The following MS4A10 variants were observed in gnomAD, a reference collection of about 807,000 sequenced individuals.
The protein encoded by MS4A10 is membrane-spanning 4-domains subfamily A member 10.
In MS4A10, 27 loss-of-function variants were observed where a neutral mutation model predicts 27.7. The observed-to-expected ratio is 0.98, with a 90% CI of 0.72 to 1.35. MS4A10 has a LOEUF of 1.35. Among genes scored for constraint, MS4A10 ranks in the 40% most tolerant of loss-of-function variants. The pLI is 0.00. For synonymous variants in MS4A10, 139 were observed against 131.2 expected (o/e 1.06, Z -0.41); for missense variants, 338 against 324.7 (o/e 1.04, Z -0.32).
Position 60,790,368 on chromosome 11 carries a change from T to A in MS4A10, c.33T>A (p.Arg11=), listed in dbSNP as rs769980284. ...CAGAAGCCACAGTTATTCCCAGCCG[T>A]TGTGCTAGGGGGCTCCCATCATGGC... The part of the protein sequence containing the change: MKAEATVIPS[R]CARGLPSWQV... The change falls in exon 2 of 8, where the codon CGT becomes CGA. Residue 11 remains arginine (R), a synonymous_variant. Coordinates refer to ENST00000308287, the MANE Select transcript of MS4A10 (RefSeq NM_206893.4). The A allele has an allele frequency of 5.6e-6, 9 of 1,613,950 alleles. No individual in the cohort carries two copies. The highest frequency in any genetic ancestry group is 7.6e-6 in the Non-Finnish European group (9 of 1,179,994).
intron 2 of MS4A10, 123 bp downstream of exon 2, chr11:60,790,641 C>T: frequency 9.1e-7 from 1 of 1,100,036 alleles, no homozygotes; most frequent in Non-Finnish European, 1.3e-6. Context: ...TCCTGCTGAA[C>T]ATTCATCTGA....
Position 60,800,271 on chromosome 11 carries a change from C to A in MS4A10, c.*362C>A. On this transcript the variant is annotated 3_prime_UTR_variant, in exon 8 of 8. Transcript: ENST00000308287. ...GTTCAAGTGATTCTCCTATCTCAGC[C>A]TCCCAAGTAGCTGGGACTATAGGCA... 1 of 211,258 alleles carries A rather than the reference C, an allele frequency of 4.7e-6. No homozygotes were observed. The highest frequency in any genetic ancestry group is 1.6e-3 in the Middle Eastern group (1 of 624). 13.1% of individuals were successfully genotyped at this position (211,258 alleles called of 1,614,324 possible). A position where few individuals can be genotyped will look rare whatever the true frequency, so the allele number is the denominator to read the frequency against.
chr11:60,789,548 C>T (rs1248524241), intron 1 of MS4A10, among the ~76,000 whole-genome samples: 1 of 152,194 alleles, frequency 6.6e-6, no homozygotes, highest in Non-Finnish European at 1.5e-5. Context: ...GTTGAGCCAA[C>T]AGTGCATGAA....
chr11:60,797,081 A>G (rs138313200), intron 6 of MS4A10, among the ~76,000 whole-genome samples: 201 of 152,274 alleles, frequency 1.3e-3, no homozygotes, highest in African/African-American at 4.7e-3. Context: ...AACATCAAGC[A>G]GAGAAGGTGT....
At position 60,786,189 on chromosome 11, in the gene MS4A10, GCACA is replaced by G. The variant is rs552507721; in HGVS notation, c.-23+788_-23+791del. Among the ~76,000 whole-genome samples, 809 of 127,290 alleles carry G rather than the reference GCACA, an allele frequency of 6.4e-3. 7 individuals are homozygous for G. Among genetic ancestry groups the G allele is most frequent in the South Asian group, 0.023 (92 of 4,056 alleles). The allele number at this position is 127,290 out of a possible 152,430, so 83.5% of individuals were successfully genotyped here. A position where few individuals can be genotyped will look rare whatever the true frequency, so the allele number is the denominator to read the frequency against. ...CACACACATGCACACACACACACAC[GCACA>G]CACACACACACACACACACCCTGAG... is the stretch of plus-strand genomic sequence containing the variant. On this transcript the variant is annotated intron_variant, in intron 1 of 7. Transcript: ENST00000308287.
At chr11:60,791,253 A>G (rs1261486971) in intron 3 of MS4A10, among the ~76,000 whole-genome samples, 160 bp downstream of exon 3, 2 of 152,172 alleles carry the variant, frequency 1.3e-5, no homozygotes, top group African/African-American at 4.8e-5. Context: ...TGCTTCTTTT[A>G]TCTTAGTCAC....
chr11:60,792,332 A>C lies in MS4A10; in HGVS notation c.360+11A>C. 1 of 1,583,312 alleles carries C rather than the reference A, an allele frequency of 6.3e-7. No individual in the cohort carries two copies. The highest frequency in any genetic ancestry group is 8.7e-7 in the Non-Finnish European group (1 of 1,152,260). On this transcript the variant is annotated intron_variant, in intron 4 of 7. Transcript: ENST00000308287. ...TCTAAAACTTACCTGGTGAGTGGGC[A>C]CACTGAGATCATTCTCTTCCATCTG...
At chr11:60,785,498 G>A in intron 1 of MS4A10, 77 bp downstream of exon 1, 1 of 152,476 alleles carries the variant, frequency 6.6e-6, no homozygotes, top group Non-Finnish European at 1.5e-5. Context: ...TTGCTCAGGT[G>A]TACAGACCTG....
chr11:60,790,940 C>T, intron 2 of MS4A10, 34 bp from the exon 3 acceptor site: 1 of 1,612,188 alleles, frequency 6.2e-7, no homozygotes, highest in Non-Finnish European at 8.5e-7. Flanking sequence ...GTGACCGATG[C>T]CCTCACCCCA....
At chr11:60,790,789 C>T (rs1854416583) in intron 2 of MS4A10, among the ~76,000 whole-genome samples, 185 bp from the exon 3 acceptor site, 1 of 152,176 alleles carries the variant, frequency 6.6e-6, no homozygotes. Flanking sequence ...CCATGGGGCC[C>T]TTGGCAGCTT....
At position 60,800,142 on chromosome 11, in the gene MS4A10, C is replaced by T. The variant is rs1006466620; in HGVS notation, c.*233C>T. On this transcript the variant is annotated 3_prime_UTR_variant, in exon 8 of 8. Coordinates refer to ENST00000308287, the MANE Select transcript of MS4A10 (RefSeq NM_206893.4). Reference sequence around the variant, plus strand: ...GCCCAGATTGTTTTGTTTTGTTTCGCTTTGTTTTGTTTTCTTTTGTTTTGT... The same window carrying T: ...GCCCAGATTGTTTTGTTTTGTTTCGTTTTGTTTTGTTTTCTTTTGTTTTGT... 1.0e-5 allele frequency: 6 copies of T among 588,346 alleles called. No individual in the cohort carries two copies. The highest frequency in any genetic ancestry group is 4.9e-5 in the South Asian group (2 of 40,676). The allele number at this position is 588,346 out of a possible 1,614,324, so 36.4% of individuals were successfully genotyped here.
At position 60,800,865 on chromosome 11, in the gene MS4A10, C is replaced by G. The variant is rs1854624319; in HGVS notation, c.*956C>G. ...CTGGAGTGCTGTGGTGCAATCTCGG[C>G]TCACTGCAACCTCTGCCTCCCGAGT... On this transcript the variant is annotated 3_prime_UTR_variant, in exon 8 of 8. Transcript: ENST00000308287. 3 of 146,868 alleles carry G rather than the reference C, an allele frequency of 2.0e-5. No homozygotes were observed. Among genetic ancestry groups the G allele is most frequent in the Admixed American group, 7.1e-5 (1 of 14,098 alleles). 9.1% of individuals were successfully genotyped at this position (146,868 alleles called of 1,614,324 possible).
intron 2 of MS4A10, 50 bp downstream of exon 2, chr11:60,790,568 G>A (rs924495496): frequency 1.9e-6 from 3 of 1,598,822 alleles, no homozygotes; most frequent in Non-Finnish European, 2.6e-6. Flanking sequence ...GAGGAGAGGG[G>A]GATATGAGGA....
chr11:60,796,776 T>C (rs1184687115), intron 6 of MS4A10, among the ~76,000 whole-genome samples: 1 of 151,914 alleles, frequency 6.6e-6, no homozygotes, highest in Non-Finnish European at 1.5e-5. Flanking sequence ...TATTTTAAAA[T>C]AGAAGGCAAG....
At chr11:60,791,430 G>C (rs1298627134) in intron 3 of MS4A10, among the ~76,000 whole-genome samples, 1 of 152,236 alleles carries the variant, frequency 6.6e-6, no homozygotes, top group Admixed American at 6.5e-5. Context: ...CAGCCAGGCT[G>C]CCTCTGGATC....
At chr11:60,794,875 G>A (rs1854498818) in intron 5 of MS4A10, among the ~76,000 whole-genome samples, 1 of 152,056 alleles carries the variant, frequency 6.6e-6, no homozygotes, top group African/African-American at 2.4e-5. Flanking sequence ...AGTAGAGATG[G>A]GGTTTCACCA....
Position 60,791,081 on chromosome 11 carries a change from G to T in MS4A10, c.291G>T (p.Trp97Cys). The T allele has an allele frequency of 1.2e-6, 2 of 1,614,042 alleles. No homozygotes were observed. Among genetic ancestry groups the T allele is most frequent in the Non-Finnish European group, 1.7e-6 (2 of 1,179,982 alleles). The change falls in exon 3 of 8, where the codon TGG (tryptophan) becomes TGT (cysteine). Residue 97 changes from tryptophan (W) to cysteine (C), a missense_variant. Coordinates refer to ENST00000308287, the MANE Select transcript of MS4A10 (RefSeq NM_206893.4). ...LVVLKSWYPF[W>C]GAASFLISGI... Reference sequence around the variant, plus strand: ...TGCTGAAGTCTTGGTATCCATTCTGGGGGGCTGCCTCTGTGAGTAGAAGGC... The same window carrying T: ...TGCTGAAGTCTTGGTATCCATTCTGTGGGGCTGCCTCTGTGAGTAGAAGGC...
At chr11:60,793,108 C>T (rs1445566951) in intron 4 of MS4A10, among the ~76,000 whole-genome samples, 1 of 152,164 alleles carries the variant, frequency 6.6e-6, no homozygotes, top group East Asian at 1.9e-4. Flanking sequence ...CTCCTTCTGC[C>T]CCCGAAGCCC....
At chr11:60,794,789 C>T (rs1854497265) in intron 5 of MS4A10, among the ~76,000 whole-genome samples, 1 of 152,182 alleles carries the variant, frequency 6.6e-6, no homozygotes, top group African/African-American at 2.4e-5. Context: ...AATTCTCCTG[C>T]CTCAGCCTCT....
Sources: allele counts gnomAD v4.1 joint callset (sites outside exome capture counted in the v4.1 genomes callset), GRCh38; gene constraint gnomAD v4.1.1; transcripts MANE v1.5; gene names NCBI Gene and HGNC (gene_info 2026-07-23, HGNC 2026-07-21).